SLC7A2: variants seen among roughly 807,000 people sequenced by gnomAD.
SLC7A2 encodes cationic amino acid transporter 2.
Under a neutral mutation model 58.9 loss-of-function variants are expected in SLC7A2, and 48 were observed. The observed-to-expected ratio is 0.82, with a 90% CI of 0.65 to 1.04. The LOEUF (loss-of-function observed/expected upper bound fraction) is 1.04. Ranked by LOEUF, SLC7A2 falls within the 50% of genes least tolerant of loss-of-function variation. The probability of loss-of-function intolerance (pLI) is 0.00; values close to 1 mark genes in which losing one functional copy is unlikely to be tolerated. For missense variants in SLC7A2, 1,029 were observed against 818.8 expected (o/e 1.26, Z -3.13); for synonymous variants, 363 against 314.5 (o/e 1.15, Z -1.63).
At chr8:17,530,441 G>A (rs543803825) in intron 2 of SLC7A2, among the ~76,000 whole-genome samples, 34 of 152,292 alleles carry the variant, frequency 2.2e-4, no homozygotes, top group Middle Eastern at 3.4e-3. Flanking sequence ...TACAGTACTC[G>A]TTGGAGAATA....
At chr8:17,548,008 G>T (rs958151848) in intron 4 of SLC7A2, among the ~76,000 whole-genome samples, 21 of 152,126 alleles carry the variant, frequency 1.4e-4, no homozygotes, top group African/African-American at 5.1e-4. Flanking sequence ...TATTTTGTGT[G>T]CATGGCAGAC....
At chr8:17,548,942 C>CAGTCATGGGT in intron 5 of SLC7A2, 99 bp downstream of exon 5, 1 of 951,882 alleles carries the variant, frequency 1.1e-6, no homozygotes, top group Non-Finnish European at 1.6e-6. Context: ...AAGACATACC[C>CAGTCATGGGT]ATGACTGGGT....
At chr8:17,506,635 A>G (rs1019645467) in intron 2 of SLC7A2, among the ~76,000 whole-genome samples, 8 of 152,326 alleles carry the variant, frequency 5.3e-5, no homozygotes, top group Non-Finnish European at 1.0e-4. Context: ...GAGAGGTGTA[A>G]CTCATCTGAG....
Position 17,544,367 on chromosome 8 carries a change from A to G in SLC7A2, c.377-84A>G, listed in dbSNP as rs912614295. On this transcript the variant is annotated intron_variant, in intron 3 of 12. Transcript: ENST00000494857. ...AAAATTTTCAATCTTTTGTGAACTC[A>G]TGTTTATCCTATAATAGAGTAGCAA... 5 of 1,185,030 alleles carry G rather than the reference A, an allele frequency of 4.2e-6. No individual in the cohort carries two copies. In the African/African-American group the frequency reaches 6.1e-5, roughly 14 times the overall value. The allele number at this position is 1,185,030 out of a possible 1,614,324, so 73.4% of individuals were successfully genotyped here. A position where few individuals can be genotyped will look rare whatever the true frequency, so the allele number is the denominator to read the frequency against.
chr8:17,519,602 G>C (rs1800935270), intron 2 of SLC7A2, among the ~76,000 whole-genome samples: 1 of 152,124 alleles, frequency 6.6e-6, no homozygotes, highest in African/African-American at 2.4e-5. Context: ...CTATGACCTT[G>C]CCATATAGTT....
At position 17,554,698 on chromosome 8, in the gene SLC7A2, A is replaced by C. The variant is rs760767006; in HGVS notation, c.1194A>C (p.Ala398=). Residue 398 remains alanine, a splice_region_variant and synonymous_variant, in exon 8 of 13, where the codon GCA becomes GCC. Coordinates refer to ENST00000494857, the MANE Select transcript of SLC7A2 (RefSeq NM_001370338.1). ...IIATLSSGAV[A]ALMAFLFDLK... is the part of the protein sequence containing the mutation. The stretch of plus-strand genomic sequence containing the variant: ...CTACTTTATCATCGGGTGCAGTGGC[A>C]GGTGAGAGAGAGTTGACTTTTCTTC... The C allele has an allele frequency of 6.2e-7, 1 of 1,606,066 alleles. No individual in the cohort carries two copies. The highest frequency in any genetic ancestry group is 8.5e-7 in the Non-Finnish European group (1 of 1,177,498).
At chr8:17,522,057 C>T (rs185979787) in intron 2 of SLC7A2, among the ~76,000 whole-genome samples, 1 of 152,226 alleles carries the variant, frequency 6.6e-6, no homozygotes, top group East Asian at 1.9e-4. Context: ...TGTATGCATG[C>T]ATTAGTTTGT....
chr8:17,535,728 C>G (rs35343250), intron 2 of SLC7A2, among the ~76,000 whole-genome samples: 1 of 151,754 alleles, frequency 6.6e-6, no homozygotes, highest in East Asian at 2.0e-4. Flanking sequence ...CATGGTGAAA[C>G]CCTGTCTCTA....
chr8:17,541,319 A>G (rs894702729), intron 2 of SLC7A2, among the ~76,000 whole-genome samples: 1 of 152,214 alleles, frequency 6.6e-6, no homozygotes, highest in Non-Finnish European at 1.5e-5. Flanking sequence ...AGCCAGTGGT[A>G]GAAATTGATA....
chr8:17,543,937 C>T (rs889388463), intron 3 of SLC7A2, among the ~76,000 whole-genome samples: 11 of 152,126 alleles, frequency 7.2e-5, no homozygotes, highest in Non-Finnish European at 1.3e-4. Flanking sequence ...GGCGTGATCT[C>T]AGCTCGCTGC....
chr8:17,496,117 G>C (rs551238868), upstream of SLC7A2, among the ~76,000 whole-genome samples: 92 of 152,276 alleles, frequency 6.0e-4, no homozygotes, highest in African/African-American at 2.2e-3. Context: ...AAGTAAAGTG[G>C]ACCTTTCTGT....
At chr8:17,494,302 A>C (rs2150623721), upstream of SLC7A2, among the ~76,000 whole-genome samples, 1 of 152,302 alleles carries the variant, frequency 6.6e-6, no homozygotes, top group South Asian at 2.1e-4. Flanking sequence ...AGTCCCTTAA[A>C]ATTCCCCGCA....
intron 2 of SLC7A2, among the ~76,000 whole-genome samples, chr8:17,516,705 T>C (rs1800817107): frequency 6.6e-6 from 1 of 152,236 alleles, no homozygotes; most frequent in South Asian, 2.1e-4. Context: ...CTTTAAGTGA[T>C]GACATGGTCT....
At chr8:17,523,064 G>A (rs761697550) in intron 2 of SLC7A2, among the ~76,000 whole-genome samples, 111 of 151,828 alleles carry the variant, frequency 7.3e-4, no homozygotes, top group Non-Finnish European at 1.4e-3. Context: ...CTAGATGATG[G>A]GTTAAGAGGT....
rs1009670316 is a variant in SLC7A2 at position 17,565,993 on chromosome 8, G to C, written c.*847G>C. 11 of 151,806 alleles carry C rather than the reference G, an allele frequency of 7.2e-5. No homozygotes were observed. Among genetic ancestry groups the C allele is most frequent in the Non-Finnish European group, 4.4e-5 (3 of 68,042 alleles). The allele number at this position is 151,806 out of a possible 1,614,324, so 9.4% of individuals were successfully genotyped here. On this transcript the variant is annotated 3_prime_UTR_variant, in exon 13 of 13. Transcript: ENST00000494857. ...GGGACCCTTTAAATTAAAAAGTGAA[G>C]ATAGTCACCAGGGCCAGAAAGCTCA...
At chr8:17,524,456 A>T (rs1223454278) in intron 2 of SLC7A2, among the ~76,000 whole-genome samples, 1 of 143,164 alleles carries the variant, frequency 7.0e-6, no homozygotes. Context: ...ACACACACAC[A>T]CCATGGAATA....
chr8:17,538,746 TA>T, intron 2 of SLC7A2: 8 of 1,578,588 alleles, frequency 5.1e-6, no homozygotes, highest in Non-Finnish European at 6.9e-6. Flanking sequence ...CCTACTTATC[TA>T]TACGATTTAA....
rs1802806147 is a variant in SLC7A2 at position 17,558,339 on chromosome 8, A to T, written c.1240A>T (p.Met414Leu). 1.2e-6 allele frequency: 2 copies of T among 1,613,418 alleles called. No individual in the cohort carries two copies. Among genetic ancestry groups the T allele is most frequent in the Non-Finnish European group, 8.5e-7 (1 of 1,179,756 alleles). The change falls in exon 9 of 13, where the codon ATG (methionine) becomes TTG (leucine). Residue 414 changes from methionine to leucine, a missense_variant. Met to Leu is a conservative substitution (Grantham distance 15, BLOSUM62 2). Transcript: ENST00000494857. The part of the protein sequence containing the change: ...LFDLKALVDM[M>L]SIGTLMAYSL... ...TGACCTGAAGGCGCTTGTGGACATGATGTCCATTGGCACACTCATGGCCTA... is the reference window on the plus strand; with the variant it reads ...TGACCTGAAGGCGCTTGTGGACATGTTGTCCATTGGCACACTCATGGCCTA...
At chr8:17,535,099 G>C (rs558149046) in intron 2 of SLC7A2, among the ~76,000 whole-genome samples, 152 of 152,170 alleles carry the variant, frequency 1.0e-3, no homozygotes, top group Middle Eastern at 6.8e-3. Context: ...TTCTACGTCT[G>C]GCTTAAAGTT....
Sources: allele counts gnomAD v4.1 joint callset (sites outside exome capture counted in the v4.1 genomes callset), GRCh38; gene constraint gnomAD v4.1.1; transcripts MANE v1.5; gene names NCBI Gene and HGNC (gene_info 2026-07-23, HGNC 2026-07-21).